IL1RAPL2: variants seen among roughly 807,000 people sequenced by gnomAD.
The protein encoded by IL1RAPL2 is X-linked interleukin-1 receptor accessory protein-like 2.
IL1RAPL2 carries 3 observed loss-of-function variants against 44.1 expected under a neutral mutation model. The ratio of observed to expected loss-of-function variants is 0.07; its 90% CI spans 0.03 to 0.18. IL1RAPL2 has a LOEUF of 0.18. IL1RAPL2 is among the 10% of genes least tolerant of loss of function. IL1RAPL2 has a pLI of 1.00. For synonymous variants in IL1RAPL2, 181 were observed against 178.8 expected (o/e 1.01, Z -0.10); for missense variants, 391 against 496.4 (o/e 0.79, Z 2.02).
chrX:105,732,490 C>T (rs1005064010), intron 7 of IL1RAPL2, among the ~76,000 whole-genome samples: 1 of 110,338 alleles, frequency 9.1e-6, no homozygotes, highest in East Asian at 2.9e-4. Flanking sequence ...CCTACTCCTG[C>T]TATGTGAGGA....
intron 2 of IL1RAPL2, among the ~76,000 whole-genome samples, chrX:104,847,044 G>T (rs1372095044): frequency 9.0e-6 from 1 of 111,632 alleles, no homozygotes; most frequent in East Asian, 2.8e-4. Flanking sequence ...TGATGGGGTT[G>T]TTTTTTTCTT....
At chrX:104,860,186 A>T in intron 2 of IL1RAPL2, among the ~76,000 whole-genome samples, 1 of 111,735 alleles carries the variant, frequency 8.9e-6, no homozygotes. Flanking sequence ...TTTATCAGAG[A>T]CTGAGGCTGA....
intron 6 of IL1RAPL2, among the ~76,000 whole-genome samples, chrX:105,599,583 T>C (rs1193317944): frequency 4.5e-5 from 5 of 110,885 alleles, no homozygotes; most frequent in Non-Finnish European, 9.5e-5. Context: ...AACTTAGTAA[T>C]CAAGACAAAT....
At chrX:105,698,628 G>A in intron 6 of IL1RAPL2, among the ~76,000 whole-genome samples, 1 of 112,092 alleles carries the variant, frequency 8.9e-6, no homozygotes, top group Non-Finnish European at 1.9e-5. Context: ...AGAACCAGAA[G>A]TCATTTCAGG....
chrX:104,854,355 C>T (rs1041873), intron 2 of IL1RAPL2, among the ~76,000 whole-genome samples: 6,050 of 111,146 alleles, frequency 0.054, 431 homozygotes, highest in African/African-American at 0.19. Context: ...CCTTTCAAAC[C>T]AAAGCCCAGG....
At chrX:104,706,965 A>G (rs907794437) in intron 2 of IL1RAPL2, among the ~76,000 whole-genome samples, 1 of 111,807 alleles carries the variant, frequency 8.9e-6, no homozygotes, top group Non-Finnish European at 1.9e-5. Flanking sequence ...CATTAATGGA[A>G]AATTAATATA....
intron 2 of IL1RAPL2, among the ~76,000 whole-genome samples, chrX:105,151,827 A>G (rs1486264163): frequency 9.0e-6 from 1 of 111,422 alleles, no homozygotes; most frequent in Non-Finnish European, 1.9e-5. Context: ...CATAAAAAGG[A>G]ATGAAATAAT....
chrX:104,761,913 TTCTC>T (rs1932452782), intron 2 of IL1RAPL2, among the ~76,000 whole-genome samples: 1 of 42,876 alleles, frequency 2.3e-5, no homozygotes, highest in Non-Finnish European at 3.8e-5. Context: ...CTCCTTCTCC[TTCTC>T]CTTCTCCTTC....
At chrX:105,685,022 G>T (rs1035345961) in intron 6 of IL1RAPL2, among the ~76,000 whole-genome samples, 4 of 111,499 alleles carry the variant, frequency 3.6e-5, no homozygotes, top group African/African-American at 1.3e-4. Context: ...CAACAAAAAG[G>T]TCATCTACAC....
At chrX:105,620,964 G>A (rs1302758159) in intron 6 of IL1RAPL2, among the ~76,000 whole-genome samples, 1 of 111,062 alleles carries the variant, frequency 9.0e-6, no homozygotes, top group Admixed American at 9.6e-5. Flanking sequence ...CATGGCCTTG[G>A]CTTCTGAGGA....
intron 6 of IL1RAPL2, among the ~76,000 whole-genome samples, chrX:105,713,530 T>G (rs2038231510): frequency 1.8e-5 from 2 of 111,589 alleles, no homozygotes; most frequent in Non-Finnish European, 3.8e-5. Flanking sequence ...ACTGCCTCCA[T>G]GATCCAATCA....
rs138077313 is a variant in IL1RAPL2, at chrX:105,161,383, C to G, written c.83-34092C>G. Among the ~76,000 whole-genome samples the G allele has an allele frequency of 7.2e-3, 792 of 109,607 alleles. 9 individuals are homozygous for G. Among genetic ancestry groups the G allele is most frequent in the African/African-American group, 0.025 (758 of 30,130 alleles). On this transcript the variant is annotated intron_variant, in intron 2 of 10. Coordinates refer to ENST00000372582, the MANE Select transcript of IL1RAPL2 (RefSeq NM_017416.2). ...TAACAAGATATGAGGCAAATGGGTA[C>G]AACAACTGTACAGTATAAATTGCTC...
chrX:104,820,787 T>C (rs1251125826), intron 2 of IL1RAPL2, among the ~76,000 whole-genome samples: 11 of 112,353 alleles, frequency 9.8e-5, no homozygotes, highest in Admixed American at 8.5e-4. Context: ...ATATTCTCCT[T>C]ACTCATTTTT....
intron 2 of IL1RAPL2, among the ~76,000 whole-genome samples, chrX:104,765,323 C>A (rs1025821160): frequency 1.1e-4 from 12 of 111,552 alleles, no homozygotes; most frequent in Non-Finnish European, 1.9e-4. Context: ...TTGTCCATTT[C>A]TTCTAGATTT....
intron 6 of IL1RAPL2, among the ~76,000 whole-genome samples, chrX:105,655,633 GA>G (rs2037672325): frequency 8.9e-6 from 1 of 112,107 alleles, no homozygotes; most frequent in African/African-American, 3.2e-5. Flanking sequence ...CTGGATCTTT[GA>G]AAAAGCATGA....
chrX:105,542,096 T>C (rs1007375041), intron 6 of IL1RAPL2, among the ~76,000 whole-genome samples: 1 of 111,861 alleles, frequency 8.9e-6, no homozygotes, highest in African/African-American at 3.3e-5. Context: ...CAACTGGACA[T>C]GTCTCAATGC....
chrX:105,177,571 G>A (rs1163920590), intron 2 of IL1RAPL2, among the ~76,000 whole-genome samples: 1 of 109,897 alleles, frequency 9.1e-6, no homozygotes, highest in Admixed American at 9.8e-5. Flanking sequence ...TAGGCATGGG[G>A]CACAGCCATT....
intron 1 of IL1RAPL2, among the ~76,000 whole-genome samples, chrX:104,601,015 T>C (rs1370714272): frequency 8.9e-6 from 1 of 111,973 alleles, no homozygotes; most frequent in African/African-American, 3.2e-5. Flanking sequence ...AAATTTGTTT[T>C]CTTTTGCATA....
At chrX:104,940,438 G>A (rs1227943190) in intron 2 of IL1RAPL2, among the ~76,000 whole-genome samples, 2 of 111,622 alleles carry the variant, frequency 1.8e-5, no homozygotes, top group African/African-American at 3.3e-5. Context: ...AGTTCTAGGG[G>A]AAATATAAAG....
Sources: allele counts gnomAD v4.1 joint callset (sites outside exome capture counted in the v4.1 genomes callset), GRCh38; gene constraint gnomAD v4.1.1; transcripts MANE v1.5; gene names NCBI Gene and HGNC (gene_info 2026-07-23, HGNC 2026-07-21).